CCDC25: variants seen among roughly 807,000 people sequenced by gnomAD.
CCDC25 encodes coiled-coil domain containing 25, also known as coiled-coil domain-containing protein 25.
In CCDC25, 16 loss-of-function variants were observed where a neutral mutation model predicts 35.3. The observed-to-expected ratio is 0.45, with a 90% CI of 0.31 to 0.69. CCDC25 has a LOEUF of 0.69. Among genes scored for constraint, CCDC25 ranks in the 30% least tolerant of loss-of-function variants. The pLI, the probability that CCDC25 is intolerant of heterozygous loss-of-function variation, is 0.06. For missense variants in CCDC25, 179 were observed against 250.7 expected, an observed-to-expected ratio of 0.71 and a Z score of 1.93; for synonymous variants, 79 against 80.3, an observed-to-expected ratio of 0.98 and a Z score of 0.09.
intron 5 of CCDC25, among the ~76,000 whole-genome samples, chr8:27,748,954 T>C (rs1803701054): frequency 6.6e-6 from 1 of 152,118 alleles, no homozygotes; most frequent in Admixed American, 6.5e-5. Flanking sequence ...CTCTGAAGGT[T>C]AAGCAGCAAC....
At position 27,765,217 on chromosome 8, in the gene CCDC25, T is replaced by C. The variant is rs1397695206; in HGVS notation, c.63A>G (p.Lys21=). 6.6e-7 allele frequency: 1 copy of C among 1,510,418 alleles called. No homozygotes were observed. The highest frequency in any genetic ancestry group is 9.0e-7 in the Non-Finnish European group (1 of 1,112,792). 93.6% of individuals were successfully genotyped at this position (1,510,418 alleles called of 1,614,324 possible). The change falls in exon 2 of 9, where the codon AAA becomes AAG. Residue 21 remains lysine, a synonymous_variant. Transcript: ENST00000356537. ...TTGAAAACTTACTTTCATATTTATCTTTTCCCATGTAAATAGTGTAGGCAG... is the reference window on the plus strand; with the variant it reads ...TTGAAAACTTACTTTCATATTTATCCTTTCCCATGTAAATAGTGTAGGCAG... ...NSSAYTIYMG[K]DKYENEDLIK... is the part of the protein sequence containing the mutation.
At chr8:27,771,709 C>A (rs906367273) in intron 1 of CCDC25, among the ~76,000 whole-genome samples, 1 of 152,162 alleles carries the variant, frequency 6.6e-6, no homozygotes, top group Non-Finnish European at 1.5e-5. Context: ...ATGCCAAAGG[C>A]ATACTTGGAA....
Position 27,768,417 on chromosome 8 carries a change from T to TA in CCDC25, c.29-3167dup, listed in dbSNP as rs1342320333. 2.6e-5 allele frequency among the ~76,000 whole-genome samples: 4 copies of TA among 151,822 alleles called. No individual in the cohort carries two copies. The East Asian group carries it at 7.8e-4, about 30-fold the overall frequency. ...CTGTCTCCACTAAAAATTCAAAAAT[T>TA]AGTCAGCCGTAGTAGCACATGCCTG... On this transcript the variant is annotated intron_variant, in intron 1 of 8. Coordinates refer to ENST00000356537, the MANE Select transcript of CCDC25 (RefSeq NM_018246.3).
intron 8 of CCDC25, among the ~76,000 whole-genome samples, chr8:27,740,059 G>C (rs930994968): frequency 6.6e-5 from 10 of 152,176 alleles, no homozygotes; most frequent in Non-Finnish European, 1.2e-4. Context: ...CTTAGGGTAA[G>C]TTATTTTAAT....
chr8:27,752,050 G>C (rs1423023097), intron 5 of CCDC25, among the ~76,000 whole-genome samples: 2 of 152,192 alleles, frequency 1.3e-5, no homozygotes, highest in East Asian at 3.9e-4. Context: ...GTATGTAAGA[G>C]GAGGAGGGAA....
intron 7 of CCDC25, among the ~76,000 whole-genome samples, chr8:27,745,172 T>A (rs1201511366): frequency 6.6e-6 from 1 of 152,116 alleles, no homozygotes. Flanking sequence ...AGTTATTTGA[T>A]TTTTTGTAGA....
Position 27,740,521 on chromosome 8 carries a change from G to A in CCDC25, c.552-4C>T, listed in dbSNP as rs762515414. On this transcript the variant is annotated splice_polypyrimidine_tract_variant and splice_region_variant and intron_variant, in intron 7 of 8. Coordinates refer to ENST00000356537, the MANE Select transcript of CCDC25 (RefSeq NM_018246.3). ...TTTCATTAGTGATGAATAGCTCCTA[G>A]AAGGAAAAAAACACACACACACATT... 9.5e-6 allele frequency: 15 copies of A among 1,578,742 alleles called. No homozygotes were observed. The highest frequency in any genetic ancestry group is 1.8e-5 in the Admixed American group (1 of 56,886).
At chr8:27,759,795 A>AAAAAAAAAAAAAG (rs1804160503) in intron 3 of CCDC25, among the ~76,000 whole-genome samples, 1 of 132,072 alleles carries the variant, frequency 7.6e-6, no homozygotes, top group Non-Finnish European at 1.7e-5. Flanking sequence ...AAAAAAAAAA[A>AAAAAAAAAAAAAG]AAAAGATGAA....
At chr8:27,755,387 C>T (rs1803964376) in intron 4 of CCDC25, among the ~76,000 whole-genome samples, 1 of 152,140 alleles carries the variant, frequency 6.6e-6, no homozygotes. Flanking sequence ...GAACATATCT[C>T]AAAGGATAAA....
At chr8:27,759,098 T>C in intron 3 of CCDC25, among the ~76,000 whole-genome samples, 1 of 152,212 alleles carries the variant, frequency 6.6e-6, no homozygotes, top group Non-Finnish European at 1.5e-5. Flanking sequence ...ACAGCCATAG[T>C]TCCCTCTTAT....
chr8:27,767,458 T>G (rs1804438344), intron 1 of CCDC25, among the ~76,000 whole-genome samples: 1 of 152,200 alleles, frequency 6.6e-6, no homozygotes, highest in South Asian at 2.1e-4. Flanking sequence ...TAGAGGAATG[T>G]TTTGATGGTT....
chr8:27,747,961 G>T, intron 7 of CCDC25, 116 bp downstream of exon 7: 1 of 994,494 alleles, frequency 1.0e-6, no homozygotes, highest in Non-Finnish European at 1.5e-6. Context: ...AGCTTAAGCT[G>T]AGCTTGTTAC....
At chr8:27,741,663 G>A (rs1803444452) in intron 7 of CCDC25, among the ~76,000 whole-genome samples, 1 of 152,190 alleles carries the variant, frequency 6.6e-6, no homozygotes, top group Non-Finnish European at 1.5e-5. Flanking sequence ...GGGCGACAGA[G>A]CAAGACTCCA....
rs146025360 is a variant in CCDC25, at chr8:27,745,107, C to T, written c.551+2970G>A. 9.2e-3 allele frequency among the ~76,000 whole-genome samples: 1,397 copies of T among 152,134 alleles called. 25 individuals are homozygous for T. The highest frequency in any genetic ancestry group is 0.032 in the African/African-American group (1,332 of 41,500). ...GCCAACAGGGCTCAAGCAATCCTCC[C>T]ACCTCAGCCTCCAGAGTAGCTGCGA... is the stretch of plus-strand genomic sequence containing the variant. On this transcript the variant is annotated intron_variant, in intron 7 of 8. Coordinates refer to ENST00000356537, the MANE Select transcript of CCDC25 (RefSeq NM_018246.3).
In CCDC25 at chr8:27,765,248, TTAAC is replaced by T. The variant is rs1563459724; in HGVS notation, c.29-1_31del. On this transcript the variant is annotated splice_acceptor_variant and coding_sequence_variant, in exon 2 of 9. Transcript: ENST00000356537. LOFTEE classifies it high-confidence loss of function. ...CATGTAAATAGTGTAGGCAGATGAATTAACTAAGATAAAACAAAAATAAAAAACA... is the reference window on the plus strand; with the variant it reads ...CATGTAAATAGTGTAGGCAGATGAATTAAGATAAAACAAAAATAAAAAACA... 6.8e-7 allele frequency: 1 copy of T among 1,476,332 alleles called. No individual in the cohort carries two copies. The highest frequency in any genetic ancestry group is 9.2e-7 in the Non-Finnish European group (1 of 1,092,028). The allele number at this position is 1,476,332 out of a possible 1,614,324, so 91.5% of individuals were successfully genotyped here.
rs530109743 is a variant in CCDC25, at chr8:27,742,387, G to C, written c.552-1870C>G. Reference sequence around the variant, plus strand: ...AACAGACAAGATCAACAGGTTGCATGAGCAGGAGGAGAAAGACATGTTGAT... The same window carrying C: ...AACAGACAAGATCAACAGGTTGCATCAGCAGGAGGAGAAAGACATGTTGAT... On this transcript the variant is annotated intron_variant, in intron 7 of 8. Transcript: ENST00000356537. 2.0e-5 allele frequency among the ~76,000 whole-genome samples: 3 copies of C among 152,348 alleles called. No homozygotes were observed. The South Asian group carries it at 6.2e-4, about 32-fold the overall frequency.
At chr8:27,770,106 C>T (rs187990805) in intron 1 of CCDC25, among the ~76,000 whole-genome samples, 2 of 151,774 alleles carry the variant, frequency 1.3e-5, no homozygotes, top group African/African-American at 4.8e-5. Flanking sequence ...ATCACACCAC[C>T]GTACTCTAGC....
At chr8:27,760,995 G>C (rs962815163) in intron 3 of CCDC25, among the ~76,000 whole-genome samples, 2 of 152,112 alleles carry the variant, frequency 1.3e-5, no homozygotes, top group African/African-American at 2.4e-5. Flanking sequence ...CAGGCATGAT[G>C]ATGGGTGCCT....
chr8:27,764,499 G>C (rs761888398), intron 2 of CCDC25: 1 of 372,866 alleles, frequency 2.7e-6, no homozygotes, highest in South Asian at 1.9e-5. Context: ...GGCAGGTCTC[G>C]AACTCCTGGG....
Sources: gnomAD v4.1 joint callset for allele counts (sites outside exome capture counted in the v4.1 genomes callset) on GRCh38, gnomAD v4.1.1 for gene constraint, MANE v1.5 for transcripts, NCBI Gene and HGNC (gene_info 2026-07-23, HGNC 2026-07-21) for gene names.